ATP10D: variants seen among roughly 807,000 people sequenced by gnomAD.
ATP10D encodes phospholipid-transporting ATPase VD.
ATP10D carries 89 observed loss-of-function variants against 144.8 expected under a neutral mutation model. The ratio of observed to expected loss-of-function variants is 0.61; its 90% CI spans 0.52 to 0.73. ATP10D has a LOEUF of 0.73. Ranked by LOEUF, ATP10D falls within the 30% of genes least tolerant of loss-of-function variation. The pLI, the probability that ATP10D is intolerant of heterozygous loss-of-function variation, is 0.00. For missense variants in ATP10D, 1,603 were observed against 1,714.8 expected, an observed-to-expected ratio of 0.93 and a Z score of 1.15; for synonymous variants, 571 against 615.1, an observed-to-expected ratio of 0.93 and a Z score of 1.06.
At chr4:47,502,355 C>T (rs968813243) in intron 1 of ATP10D, among the ~76,000 whole-genome samples, 1 of 151,906 alleles carries the variant, frequency 6.6e-6, no homozygotes, top group African/African-American at 2.4e-5. Context: ...CCTGTAGTTC[C>T]AGCTACTCGG....
At chr4:47,528,249 C>A (rs1012973261) in intron 5 of ATP10D, among the ~76,000 whole-genome samples, 2 of 151,956 alleles carry the variant, frequency 1.3e-5, no homozygotes, top group African/African-American at 4.8e-5. Flanking sequence ...GCCCCTCCCA[C>A]CCTCCTTTCT....
intron 21 of ATP10D, among the ~76,000 whole-genome samples, chr4:47,584,197 G>C (rs932178242): frequency 6.6e-6 from 1 of 151,966 alleles, no homozygotes; most frequent in African/African-American, 2.4e-5. Flanking sequence ...CAGCCATTCT[G>C]AAAGTATAAA....
intron 9 of ATP10D, among the ~76,000 whole-genome samples, chr4:47,537,716 C>T (rs1041237525): frequency 6.6e-6 from 1 of 152,196 alleles, no homozygotes; most frequent in Admixed American, 6.5e-5. Context: ...TAAGTCAGTT[C>T]ATAACTTAAA....
At chr4:47,560,286 T>C (rs1367615176) in intron 13 of ATP10D, 1 of 152,252 alleles carries the variant, frequency 6.6e-6, no homozygotes, top group Non-Finnish European at 1.5e-5. Flanking sequence ...AAATATATTA[T>C]TGATCACTTC....
At chr4:47,572,393 G>T (rs1268208898) in intron 17 of ATP10D, among the ~76,000 whole-genome samples, 163 bp downstream of exon 17, 3 of 151,990 alleles carry the variant, frequency 2.0e-5, no homozygotes, top group Non-Finnish European at 2.9e-5. Flanking sequence ...TTTTTTACTA[G>T]GTGAGTATTA....
Position 47,536,470 on chromosome 4 carries a change from T to G in ATP10D, c.1049T>G (p.Met350Arg). The part of the protein sequence containing the change: ...HGIWLSRYEK[M>R]HFFNVPEPDG... Reference sequence around the variant, plus strand: ...ATCTGGCTGAGCAGGTATGAAAAGATGCATTTTTTCAATGTTCCCGAGCCT... The same window carrying G: ...ATCTGGCTGAGCAGGTATGAAAAGAGGCATTTTTTCAATGTTCCCGAGCCT... Residue 350 changes from methionine to arginine, a missense_variant, in exon 8 of 23, where the codon ATG becomes AGG. Transcript: ENST00000273859. 1 of 1,613,708 alleles carries G rather than the reference T, an allele frequency of 6.2e-7. No homozygotes were observed. The highest frequency in any genetic ancestry group is 8.5e-7 in the Non-Finnish European group (1 of 1,179,682).
chr4:47,506,071 A>C (rs1370632857), intron 1 of ATP10D, among the ~76,000 whole-genome samples: 1 of 152,204 alleles, frequency 6.6e-6, no homozygotes, highest in Non-Finnish European at 1.5e-5. Flanking sequence ...TAAGGAACTT[A>C]GTATCTTTTA....
At chr4:47,531,204 G>A (rs1445546558) in intron 5 of ATP10D, among the ~76,000 whole-genome samples, 1 of 152,130 alleles carries the variant, frequency 6.6e-6, no homozygotes, top group African/African-American at 2.4e-5. Context: ...GTCTGTTCAG[G>A]ATTCCATAGC....
Position 47,536,886 on chromosome 4 carries a change from G to A in ATP10D, c.1344G>A (p.Met448Ile). 3 of 1,612,832 alleles carry A rather than the reference G, an allele frequency of 1.9e-6. No individual in the cohort carries two copies. Among genetic ancestry groups the A allele is most frequent in the Non-Finnish European group, 2.5e-6 (3 of 1,179,468 alleles). Residue 448 changes from methionine (M) to isoleucine (I), a missense_variant, in exon 9 of 23, where the codon ATG becomes ATA. By Grantham distance (10) the Met-to-Ile change is conservative (BLOSUM62 1). Transcript: ENST00000273859. The stretch of plus-strand genomic sequence containing the variant: ...CAGGAACCCTCACTGAGAATAAGAT[G>A]GTTTTTCGAAGATGTAGTGTGGCAG... ...DKTGTLTENK[M>I]VFRRCSVAGF...
intron 1 of ATP10D, among the ~76,000 whole-genome samples, chr4:47,501,240 G>T (rs1715666808): frequency 6.6e-6 from 1 of 152,196 alleles, no homozygotes; most frequent in Admixed American, 6.5e-5. Context: ...TAGGATCAGT[G>T]ATATTGGAGT....
At chr4:47,581,219 A>T (rs1435902342) in intron 20 of ATP10D, among the ~76,000 whole-genome samples, 2 of 152,340 alleles carry the variant, frequency 1.3e-5, no homozygotes, top group East Asian at 3.9e-4. Flanking sequence ...AATGGAAGAA[A>T]TGTAACAAAG....
chr4:47,493,166 T>C (rs964430835), intron 1 of ATP10D, among the ~76,000 whole-genome samples: 1 of 152,208 alleles, frequency 6.6e-6, no homozygotes, highest in Admixed American at 6.5e-5. Flanking sequence ...CCCTATTTCT[T>C]GTATATAAGA....
chr4:47,543,844 C>T (rs1718282896), intron 9 of ATP10D, among the ~76,000 whole-genome samples: 1 of 152,040 alleles, frequency 6.6e-6, no homozygotes, highest in South Asian at 2.1e-4. Flanking sequence ...TGTACACACA[C>T]ACACACACAT....
At chr4:47,516,756 T>C (rs1269720711) in intron 3 of ATP10D, among the ~76,000 whole-genome samples, 3 of 152,220 alleles carry the variant, frequency 2.0e-5, no homozygotes, top group Admixed American at 6.5e-5. Flanking sequence ...AAATTAGTTC[T>C]GTTTTTTCTC....
chr4:47,487,432 A>T (rs1301455551), intron 1 of ATP10D, among the ~76,000 whole-genome samples: 1 of 152,116 alleles, frequency 6.6e-6, no homozygotes, highest in Admixed American at 6.5e-5. Flanking sequence ...TGTTTTCTTT[A>T]TTGTCTGATA....
chr4:47,569,701 T>A (rs935861759), intron 16 of ATP10D, among the ~76,000 whole-genome samples: 2 of 151,868 alleles, frequency 1.3e-5, no homozygotes, highest in African/African-American at 4.8e-5. Flanking sequence ...ATTGAAAAAA[T>A]AAAGTGGAAT....
At chr4:47,565,760 C>A (rs1038285317) in intron 15 of ATP10D, among the ~76,000 whole-genome samples, 22 of 151,866 alleles carry the variant, frequency 1.4e-4, no homozygotes, top group African/African-American at 5.3e-4. Flanking sequence ...AAAAAAATTA[C>A]ACTTATACCC....
intron 19 of ATP10D, among the ~76,000 whole-genome samples, chr4:47,579,365 C>G (rs1031533081): frequency 4.6e-5 from 7 of 152,212 alleles, no homozygotes; most frequent in Non-Finnish European, 1.0e-4. Flanking sequence ...ACATTCTATT[C>G]TATGAGCTTG....
Position 47,558,332 on chromosome 4 carries a change from A to G in ATP10D, c.2434+59A>G, listed in dbSNP as rs531781821. On this transcript the variant is annotated intron_variant, in intron 12 of 22. Coordinates refer to ENST00000273859, the MANE Select transcript of ATP10D (RefSeq NM_020453.4). Reference sequence around the variant, plus strand: ...TGAAAAGCTCGGAGATTAAAAGACCATACTTGATGGCTTTATAAAGGCAAA... The same window carrying G: ...TGAAAAGCTCGGAGATTAAAAGACCGTACTTGATGGCTTTATAAAGGCAAA... 1.8e-4 allele frequency: 280 copies of G among 1,556,776 alleles called. No homozygotes were observed. The African/African-American group carries it at 3.4e-3, about 19-fold the overall frequency.
Sources: gnomAD v4.1 joint callset for allele counts (sites outside exome capture counted in the v4.1 genomes callset) on GRCh38, gnomAD v4.1.1 for gene constraint, MANE v1.5 for transcripts, NCBI Gene and HGNC (gene_info 2026-07-23, HGNC 2026-07-21) for gene names.